COL22A1: variants seen among roughly 807,000 people sequenced by gnomAD.
COL22A1 encodes the protein collagen type XXII alpha 1 chain, also known as collagen alpha-1(XXII) chain.
A neutral mutation model predicts 248.9 loss-of-function variants in COL22A1; 221 were observed. That is an observed-to-expected ratio of 0.89 (90% CI 0.80 to 0.99). The LOEUF (loss-of-function observed/expected upper bound fraction) is 0.99, where lower values mean the gene tolerates loss of function less well. COL22A1 is among the 50% of genes least tolerant of loss of function. The probability of loss-of-function intolerance (pLI) is 0.00; values close to 1 mark genes in which losing one functional copy is unlikely to be tolerated. For missense variants in COL22A1, 2,240 were observed against 2,179.0 expected, an observed-to-expected ratio of 1.03 and a Z score of -0.56; for synonymous variants, 891 against 793.4, an observed-to-expected ratio of 1.12 and a Z score of -2.07.
At position 138,658,878 on chromosome 8, in the gene COL22A1, C is replaced by T. The variant is rs150986382; in HGVS notation, c.3285+1558G>A. 4.6e-5 allele frequency among the ~76,000 whole-genome samples: 7 copies of T among 152,160 alleles called. No homozygotes were observed. In the East Asian group the frequency reaches 1.4e-3, roughly 29 times the overall value. Reference sequence around the variant, plus strand: ...GTTAATCTAACAGATCTTCTCTCTTCTCTCTTCTCTCTCTCTCTCCCTCTC... The same window carrying T: ...GTTAATCTAACAGATCTTCTCTCTTTTCTCTTCTCTCTCTCTCTCCCTCTC... On this transcript the variant is annotated intron_variant, in intron 44 of 64. Transcript: ENST00000303045.
intron 30 of COL22A1, among the ~76,000 whole-genome samples, chr8:138,708,530 A>C (rs985008773): frequency 6.6e-6 from 1 of 152,272 alleles, no homozygotes; most frequent in African/African-American, 2.4e-5. Flanking sequence ...AAAACAAGAA[A>C]TGGGAAAAGG....
chr8:138,738,833 A>G (rs1408141734), intron 22 of COL22A1, among the ~76,000 whole-genome samples: 2 of 151,916 alleles, frequency 1.3e-5, no homozygotes, highest in South Asian at 2.1e-4. Flanking sequence ...TCATTCAGCA[A>G]CTCTGGCCCT....
At chr8:138,708,951 A>G (rs1828713029) in intron 30 of COL22A1, among the ~76,000 whole-genome samples, 1 of 152,176 alleles carries the variant, frequency 6.6e-6, no homozygotes, top group Non-Finnish European at 1.5e-5. Flanking sequence ...GAAAAAAATC[A>G]AAAAACCCCA....
chr8:138,694,859 T>G lies in COL22A1; in HGVS notation c.2613A>C (p.Gly871=), dbSNP rs769062005. The G allele has an allele frequency of 3.1e-6, 5 of 1,613,916 alleles. No individual in the cohort carries two copies. The highest frequency in any genetic ancestry group is 4.2e-6 in the Non-Finnish European group (5 of 1,179,990). ...PRMPGEQGPK[G]EKGDPGLPGE... ...CAGGCAGGCCTGGATCGCCCTTCTC[T>G]CCTTTGGGCCCTTGTTCTCCCTGTT... is the stretch of plus-strand genomic sequence containing the variant. Residue 871 remains glycine (G), a synonymous_variant, in exon 33 of 65, where the codon GGA becomes GGC. Coordinates refer to ENST00000303045, the MANE Select transcript of COL22A1 (RefSeq NM_152888.3).
chr8:138,673,894 A>C (rs1322295954), intron 41 of COL22A1, among the ~76,000 whole-genome samples: 2 of 152,234 alleles, frequency 1.3e-5, no homozygotes, highest in African/African-American at 2.4e-5. Flanking sequence ...GCAGCCTCCA[A>C]CCAAACACAG....
At chr8:138,693,736 C>T (rs1415230224) in intron 34 of COL22A1, 37 bp from the exon 35 acceptor site, 2 of 1,550,270 alleles carry the variant, frequency 1.3e-6, no homozygotes, top group Non-Finnish European at 1.7e-6. Flanking sequence ...GGGTAAGACA[C>T]CCTCAGTGAT....
At chr8:138,816,328 T>A (rs907202943) in intron 7 of COL22A1, among the ~76,000 whole-genome samples, 2 of 152,148 alleles carry the variant, frequency 1.3e-5, no homozygotes, top group Non-Finnish European at 2.9e-5. Context: ...ATCCTTCTCT[T>A]CCTTTCCTCC....
intron 27 of COL22A1, among the ~76,000 whole-genome samples, chr8:138,719,109 C>A (rs62527957): frequency 0.094 from 14,292 of 152,158 alleles, 842 homozygotes; most frequent in Non-Finnish European, 0.13. Flanking sequence ...TCAAGAACAG[C>A]AAACCTAGAT....
chr8:138,908,956 CAAG>C (rs1193317721), intron 1 of COL22A1, among the ~76,000 whole-genome samples: 1 of 152,068 alleles, frequency 6.6e-6, no homozygotes, highest in African/African-American at 2.4e-5. Context: ...TGGAGATGGG[CAAG>C]AAGAAGGTGG....
intron 63 of COL22A1, 25 bp downstream of exon 63, chr8:138,593,992 A>G (rs202020964): frequency 4.6e-6 from 7 of 1,513,092 alleles, no homozygotes; most frequent in African/African-American, 1.4e-5. Context: ...TACACGGAGC[A>G]TATCTCCTCC....
chr8:138,904,091 C>T (rs749488835), intron 1 of COL22A1, among the ~76,000 whole-genome samples: 3 of 152,148 alleles, frequency 2.0e-5, no homozygotes, highest in Non-Finnish European at 4.4e-5. Context: ...AGCTGGAGTT[C>T]TTCCACTTCA....
chr8:138,677,935 G>C (rs1825689768), intron 40 of COL22A1, among the ~76,000 whole-genome samples: 3 of 152,196 alleles, frequency 2.0e-5, no homozygotes. Flanking sequence ...TCAGAAGCTT[G>C]TTATGAAGAG....
At chr8:138,670,408 T>C (rs1236920476) in intron 41 of COL22A1, among the ~76,000 whole-genome samples, 1 of 152,076 alleles carries the variant, frequency 6.6e-6, no homozygotes, top group African/African-American at 2.4e-5. Flanking sequence ...GCATCGGCCA[T>C]GGGGGCAAGG....
intron 36 of COL22A1, among the ~76,000 whole-genome samples, chr8:138,690,063 A>G (rs1826704794): frequency 6.6e-6 from 1 of 152,240 alleles, no homozygotes; most frequent in African/African-American, 2.4e-5. Flanking sequence ...GTTGCTGTGC[A>G]GAGTAAATGA....
chr8:138,849,582 G>C (rs902536942), intron 3 of COL22A1, among the ~76,000 whole-genome samples: 30 of 152,184 alleles, frequency 2.0e-4, no homozygotes, highest in Admixed American at 5.2e-4. Flanking sequence ...AACTGCCTCA[G>C]GTCACCCAGC....
intron 33 of COL22A1, 93 bp downstream of exon 33, chr8:138,694,733 G>T: frequency 6.8e-7 from 1 of 1,476,532 alleles, no homozygotes; most frequent in South Asian, 1.2e-5. Flanking sequence ...CCTGGGTGTG[G>T]AATGCACGGT....
Position 138,652,735 on chromosome 8 carries a change from GTTTTTTTTTTTTTT to G in COL22A1, c.3334-2971_3334-2958del, listed in dbSNP as rs71316352. 4.2e-3 allele frequency among the ~76,000 whole-genome samples: 227 copies of G among 54,280 alleles called. 1 individual carries two copies. Among genetic ancestry groups the G allele is most frequent in the African/African-American group, 0.012 (204 of 16,906 alleles). The allele number at this position is 54,280 out of a possible 152,430, so 35.6% of individuals were successfully genotyped here. The stretch of plus-strand genomic sequence containing the variant: ...TAAAATATTTTCTTTTCCTTTTCTG[GTTTTTTTTTTTTTT>G]TTTTTTTTTTTTTTGGAGACAGAGT... On this transcript the variant is annotated intron_variant, in intron 45 of 64. Transcript: ENST00000303045.
At chr8:138,907,732 G>C (rs1412657318) in intron 1 of COL22A1, among the ~76,000 whole-genome samples, 3 of 152,188 alleles carry the variant, frequency 2.0e-5, no homozygotes, top group Non-Finnish European at 4.4e-5. Flanking sequence ...CCAGTGCATG[G>C]CACAGGCATC....
intron 52 of COL22A1, among the ~76,000 whole-genome samples, chr8:138,622,609 T>C (rs4576426): frequency 6.6e-6 from 1 of 151,980 alleles, no homozygotes; most frequent in African/African-American, 2.4e-5. Flanking sequence ...CATCCTCCCA[T>C]GGACAGGAAC....
Sources: allele counts gnomAD v4.1 joint callset (sites outside exome capture counted in the v4.1 genomes callset), GRCh38; gene constraint gnomAD v4.1.1; transcripts MANE v1.5; gene names NCBI Gene and HGNC (gene_info 2026-07-23, HGNC 2026-07-21).